The following JAM3 variants were observed in gnomAD, a reference collection of about 807,000 sequenced individuals.
JAM3 encodes the protein junctional adhesion molecule 3.
Under a neutral mutation model 39.4 loss-of-function variants are expected in JAM3, and 31 were observed. That is an observed-to-expected ratio of 0.79 (90% confidence interval 0.59 to 1.06). JAM3 has a LOEUF of 1.06. JAM3 is among the 50% of genes least tolerant of loss of function. The pLI, the probability that JAM3 is intolerant of heterozygous loss-of-function variation, is 0.00. For missense variants in JAM3, 455 were observed against 391.4 expected, an observed-to-expected ratio of 1.16 and a Z score of -1.37; for synonymous variants, 182 against 148.7, an observed-to-expected ratio of 1.22 and a Z score of -1.63.
chr11:134,088,113 C>A (rs1455279913), intron 1 of JAM3, among the ~76,000 whole-genome samples: 1 of 152,184 alleles, frequency 6.6e-6, no homozygotes, highest in African/African-American at 2.4e-5. Context: ...GAATACATCA[C>A]TGTTAAGTGC....
rs576940356 is a variant in JAM3 at position 134,115,884 on chromosome 11, G to T, written c.77-23967G>T. Among the ~76,000 whole-genome samples the T allele has an allele frequency of 9.2e-5, 14 of 152,230 alleles. No homozygotes were observed. In the South Asian group the frequency reaches 2.9e-3, roughly 32 times the overall value. Reference sequence around the variant, plus strand: ...TACACTCAAGCCTGGGTGACAGAATGAGACCATGTCTCAAAATAAATAAAT... The same window carrying T: ...TACACTCAAGCCTGGGTGACAGAATTAGACCATGTCTCAAAATAAATAAAT... On this transcript the variant is annotated intron_variant, in intron 1 of 8. Coordinates refer to ENST00000299106, the MANE Select transcript of JAM3 (RefSeq NM_032801.5).
At chr11:134,103,210 A>G (rs955898702) in intron 1 of JAM3, among the ~76,000 whole-genome samples, 1 of 152,214 alleles carries the variant, frequency 6.6e-6, no homozygotes, top group Non-Finnish European at 1.5e-5. Flanking sequence ...CCAATATTCA[A>G]CATTCTTAAA....
intron 1 of JAM3, among the ~76,000 whole-genome samples, chr11:134,111,742 T>C (rs144364184): frequency 1.1e-3 from 171 of 152,322 alleles, no homozygotes; most frequent in African/African-American, 4.1e-3. Context: ...GAAAAAAAGT[T>C]TGCTTTCATT....
intron 1 of JAM3, among the ~76,000 whole-genome samples, chr11:134,094,384 A>G (rs1298021545): frequency 3.9e-4 from 47 of 121,360 alleles, no homozygotes; most frequent in South Asian, 5.2e-4. Flanking sequence ...CTTCTCCTGA[A>G]CCCTCCTTAT....
rs1162062492 is a variant in JAM3, at chr11:134,151,231, T to A, written c.*2050T>A. Reference sequence around the variant, plus strand: ...TACATGAGACTGTGTTGACTTTTTTTAGTTATGTGAAACACTTTGCCGCAG... The same window carrying A: ...TACATGAGACTGTGTTGACTTTTTTAAGTTATGTGAAACACTTTGCCGCAG... On this transcript the variant is annotated 3_prime_UTR_variant, in exon 9 of 9. Coordinates refer to ENST00000299106, the MANE Select transcript of JAM3 (RefSeq NM_032801.5). 4 of 152,248 alleles carry A rather than the reference T, an allele frequency of 2.6e-5. 1 individual carries two copies. The highest frequency in any genetic ancestry group is 5.9e-5 in the Non-Finnish European group (4 of 68,052). 9.4% of individuals were successfully genotyped at this position (152,248 alleles called of 1,614,324 possible).
At chr11:134,073,244 G>A (rs1941511680) in intron 1 of JAM3, among the ~76,000 whole-genome samples, 1 of 152,124 alleles carries the variant, frequency 6.6e-6, no homozygotes, top group Admixed American at 6.5e-5. Flanking sequence ...TTGTGTTGGT[G>A]TGTTTCTTTT....
At chr11:134,135,308 G>T (rs1326790806) in intron 1 of JAM3, among the ~76,000 whole-genome samples, 1 of 152,118 alleles carries the variant, frequency 6.6e-6, no homozygotes, top group African/African-American at 2.4e-5. Flanking sequence ...CATCCTTGTG[G>T]AAAATCACTT....
intron 1 of JAM3, among the ~76,000 whole-genome samples, chr11:134,121,859 C>T (rs1038478346): frequency 4.0e-5 from 6 of 150,474 alleles, no homozygotes; most frequent in African/African-American, 1.5e-4. Context: ...ACACCCTCCT[C>T]CCAAACAAAA....
chr11:134,109,441 G>C (rs1022271356), intron 1 of JAM3, among the ~76,000 whole-genome samples: 1 of 152,150 alleles, frequency 6.6e-6, no homozygotes, highest in Non-Finnish European at 1.5e-5. Context: ...AAATATAACT[G>C]TTGCCTGGTT....
At chr11:134,108,254 A>T (rs1565491279) in intron 1 of JAM3, among the ~76,000 whole-genome samples, 3 of 152,084 alleles carry the variant, frequency 2.0e-5, no homozygotes, top group Non-Finnish European at 2.9e-5. Context: ...AAGTGGCCTG[A>T]ATAGCCTAAC....
At chr11:134,126,711 G>C (rs1019718367) in intron 1 of JAM3, among the ~76,000 whole-genome samples, 4 of 152,208 alleles carry the variant, frequency 2.6e-5, no homozygotes, top group African/African-American at 9.6e-5. Context: ...TTCCTGGTCA[G>C]GTCTTCCTGT....
At chr11:134,095,335 A>T (rs1304721784) in intron 1 of JAM3, among the ~76,000 whole-genome samples, 4 of 152,172 alleles carry the variant, frequency 2.6e-5, no homozygotes, top group Non-Finnish European at 5.9e-5. Context: ...CTTTTGACTA[A>T]GATTTGTTCT....
chr11:134,097,242 A>T (rs1942000237), intron 1 of JAM3, among the ~76,000 whole-genome samples: 1 of 152,176 alleles, frequency 6.6e-6, no homozygotes, highest in South Asian at 2.1e-4. Context: ...AACTTTCCTT[A>T]GAAACAATTT....
rs369721245 is a variant in JAM3 at position 134,069,130 on chromosome 11, C to T, written c.47C>T (p.Pro16Leu). Residue 16 changes from proline (P) to leucine (L), a missense_variant, in exon 1 of 9, where the codon CCT (proline) becomes CTT (leucine). By Grantham distance (98) the Pro-to-Leu change is moderately conservative. Transcript: ENST00000299106. ...CGACTCCGGCTCTGCGCTCGGCTGC[C>T]TGACTTCTTCCTGCTGCTGCTTTTC... ...PPRLRLCARL[P>L]DFFLLLLFRG... 2 of 1,612,934 alleles carry T rather than the reference C, an allele frequency of 1.2e-6. No individual in the cohort carries two copies. The highest frequency in any genetic ancestry group is 1.3e-5 in the African/African-American group (1 of 74,966).
intron 1 of JAM3, among the ~76,000 whole-genome samples, chr11:134,100,019 C>G (rs139520186): frequency 6.6e-6 from 1 of 152,192 alleles, no homozygotes; most frequent in South Asian, 2.1e-4. Context: ...TAAGTCACTT[C>G]TGACTTTAAT....
In JAM3 at chr11:134,129,440, C is replaced by T. The variant is rs186427193; in HGVS notation, c.77-10411C>T. Among the ~76,000 whole-genome samples, 5 of 152,136 alleles carry T rather than the reference C, an allele frequency of 3.3e-5. No individual in the cohort carries two copies. The East Asian group carries it at 9.7e-4, about 29-fold the overall frequency. On this transcript the variant is annotated intron_variant, in intron 1 of 8. Coordinates refer to ENST00000299106, the MANE Select transcript of JAM3 (RefSeq NM_032801.5). Reference sequence around the variant, plus strand: ...CTCTTTTCAAGTTCTTATAAGGACACTAGTCATATTGGATTAAGTCCACAC... The same window carrying T: ...CTCTTTTCAAGTTCTTATAAGGACATTAGTCATATTGGATTAAGTCCACAC...
intron 1 of JAM3, among the ~76,000 whole-genome samples, chr11:134,122,733 C>G (rs1193569119): frequency 6.6e-6 from 1 of 152,242 alleles, no homozygotes; most frequent in Non-Finnish European, 1.5e-5. Context: ...AAGCATTTCT[C>G]AAGTCGAAAA....
chr11:134,079,195 AC>A (rs1321097908), intron 1 of JAM3, among the ~76,000 whole-genome samples: 1 of 152,060 alleles, frequency 6.6e-6, no homozygotes, highest in Admixed American at 6.6e-5. Flanking sequence ...AATATACCAA[AC>A]CCTACAACTA....
At chr11:134,135,534 C>CTT (rs59157985) in intron 1 of JAM3, among the ~76,000 whole-genome samples, 18 of 145,028 alleles carry the variant, frequency 1.2e-4, no homozygotes, top group African/African-American at 4.0e-4. Flanking sequence ...TTTATCTATC[C>CTT]TTTTTTTTTT....
Sources: gnomAD v4.1 joint callset for allele counts (sites outside exome capture counted in the v4.1 genomes callset) on GRCh38, gnomAD v4.1.1 for gene constraint, MANE v1.5 for transcripts, NCBI Gene and HGNC (gene_info 2026-07-23, HGNC 2026-07-21) for gene names.